The following RGS6 variants were observed in gnomAD, a reference collection of about 807,000 sequenced individuals.
The protein encoded by RGS6 is regulator of G protein signaling 6, also known as regulator of G-protein signaling 6.
A neutral mutation model predicts 78.5 loss-of-function variants in RGS6; 30 were observed. The ratio of observed to expected loss-of-function variants is 0.38; its 90% CI spans 0.29 to 0.52. The LOEUF is 0.52. Among genes scored for constraint, RGS6 ranks in the 20% least tolerant of loss-of-function variants. The pLI is 0.85. For missense variants in RGS6, 495 were observed against 609.7 expected (o/e 0.81, Z 1.98); for synonymous variants, 206 against 206.0 (o/e 1.00, Z 0.00).
chr14:72,284,365 C>CCT (rs1264101607), intron 2 of RGS6, among the ~76,000 whole-genome samples: 1 of 152,072 alleles, frequency 6.6e-6, no homozygotes, highest in East Asian at 1.9e-4. Flanking sequence ...AATGGCCCCC[C>CCT]CACCTGCTAT....
At chr14:71,934,552 T>A (rs1487628151) in intron 1 of RGS6, among the ~76,000 whole-genome samples, 1 of 152,230 alleles carries the variant, frequency 6.6e-6, no homozygotes, top group African/African-American at 2.4e-5. Context: ...AATAAATTCA[T>A]CTTATCAAGT....
At chr14:72,469,460 G>A (rs187813959) in intron 7 of RGS6, 1 of 152,502 alleles carries the variant, frequency 6.6e-6, no homozygotes, top group East Asian at 1.9e-4. Context: ...ACCTGCCTTG[G>A]CCTTCCAAAA....
Position 72,523,573 on chromosome 14 carries a change from G to A in RGS6, c.1278+5036G>A, listed in dbSNP as rs558567611. On this transcript the variant is annotated intron_variant, in intron 15 of 17. Coordinates refer to ENST00000553525, the MANE Select transcript of RGS6 (RefSeq NM_001204424.2). ...CTCCAATGGGTTTTGTTTCTTATTT[G>A]ACCACACGCATTGTTAGAGCCAAGT... is the stretch of plus-strand genomic sequence containing the variant. Among the ~76,000 whole-genome samples the A allele has an allele frequency of 9.2e-5, 14 of 152,240 alleles. No homozygotes were observed. The South Asian group carries it at 2.9e-3, about 32-fold the overall frequency.
intron 2 of RGS6, among the ~76,000 whole-genome samples, chr14:72,315,567 G>A (rs2069910478): frequency 6.6e-6 from 1 of 152,156 alleles, no homozygotes; most frequent in Non-Finnish European, 1.5e-5. Context: ...TTTATTTTTA[G>A]CAAGAGTGTT....
chr14:72,118,173 C>A (rs529868940), intron 2 of RGS6, among the ~76,000 whole-genome samples: 11 of 151,338 alleles, frequency 7.3e-5, no homozygotes, highest in Middle Eastern at 3.4e-3. Context: ...AAAAAAACAA[C>A]AAAAAACAGG....
intron 1 of RGS6, among the ~76,000 whole-genome samples, chr14:71,952,753 T>A (rs970182831): frequency 1.3e-5 from 2 of 152,202 alleles, no homozygotes; most frequent in African/African-American, 4.8e-5. Flanking sequence ...ATTGAAAGGG[T>A]GCACCTTATA....
At chr14:72,607,684 G>T in the RGS6 span, among the ~76,000 whole-genome samples, 1 of 152,198 alleles carries the variant, frequency 6.6e-6, no homozygotes, top group Non-Finnish European at 1.5e-5. Context: ...CCTGGATTTT[G>T]TTATATGAGC....
the RGS6 span, among the ~76,000 whole-genome samples, chr14:71,913,750 G>A: frequency 6.6e-6 from 1 of 152,222 alleles, no homozygotes; most frequent in Non-Finnish European, 1.5e-5. Flanking sequence ...GTCATCTGAG[G>A]ATCACAGATT....
chr14:72,613,882 G>T, the RGS6 span, among the ~76,000 whole-genome samples: 2 of 152,172 alleles, frequency 1.3e-5, no homozygotes, highest in Non-Finnish European at 2.9e-5. Flanking sequence ...AGGCTCTAAG[G>T]CAGTTCCCAC....
At chr14:72,331,895 A>G (rs1221911160) in intron 2 of RGS6, among the ~76,000 whole-genome samples, 1 of 152,226 alleles carries the variant, frequency 6.6e-6, no homozygotes, top group Non-Finnish European at 1.5e-5. Context: ...CTTAGAGAAA[A>G]AAGCTGTATA....
intron 2 of RGS6, among the ~76,000 whole-genome samples, chr14:72,062,515 T>C (rs2093943440): frequency 6.6e-6 from 1 of 152,174 alleles, no homozygotes; most frequent in South Asian, 2.1e-4. Flanking sequence ...AAATTGGAGA[T>C]GATGGAGTTT....
At chr14:71,951,938 A>G (rs1176338211) in intron 1 of RGS6, among the ~76,000 whole-genome samples, 1 of 152,182 alleles carries the variant, frequency 6.6e-6, no homozygotes, top group Non-Finnish European at 1.5e-5. Flanking sequence ...AGTTTTATAT[A>G]TTGACCTTGT....
At chr14:72,560,536 G>T (rs1384983887) in intron 17 of RGS6, among the ~76,000 whole-genome samples, 1 of 152,122 alleles carries the variant, frequency 6.6e-6, no homozygotes, top group African/African-American at 2.4e-5. Flanking sequence ...TCACCGCTGG[G>T]TGTGTGCCAC....
chr14:71,933,359 G>A (rs931385180), intron 1 of RGS6: 1 of 149,306 alleles, frequency 6.7e-6, no homozygotes, highest in Non-Finnish European at 1.5e-5. Flanking sequence ...GAACAAGCTC[G>A]CCCATTTGTG....
intron 2 of RGS6, among the ~76,000 whole-genome samples, chr14:72,169,250 G>T (rs2096974692): frequency 6.6e-6 from 1 of 152,148 alleles, no homozygotes; most frequent in African/African-American, 2.4e-5. Flanking sequence ...GTAGGCTCAG[G>T]AATACGTTTT....
chr14:72,309,324 G>GA (rs1214000465), intron 2 of RGS6, among the ~76,000 whole-genome samples: 1 of 152,196 alleles, frequency 6.6e-6, no homozygotes, highest in Non-Finnish European at 1.5e-5. Context: ...TCCAGACCAG[G>GA]AAACATGATT....
chr14:72,187,734 C>A (rs1204623982), intron 2 of RGS6, among the ~76,000 whole-genome samples: 1 of 152,172 alleles, frequency 6.6e-6, no homozygotes, highest in East Asian at 1.9e-4. Context: ...TTCCTGTCTT[C>A]AGAATATGTG....
chr14:72,629,585 G>C, the RGS6 span: 1 of 1,510,996 alleles, frequency 6.6e-7, no homozygotes, highest in African/African-American at 1.4e-5. Flanking sequence ...CCCCAGCTCT[G>C]TGGATTTCTC....
the RGS6 span, among the ~76,000 whole-genome samples, chr14:72,587,859 A>T: frequency 1.3e-5 from 2 of 152,196 alleles, no homozygotes; most frequent in African/African-American, 4.8e-5. Context: ...ACAGAGAAAG[A>T]TGGATTCTAC....
Sources: gnomAD v4.1 joint callset for allele counts (sites outside exome capture counted in the v4.1 genomes callset) on GRCh38, gnomAD v4.1.1 for gene constraint, MANE v1.5 for transcripts, NCBI Gene and HGNC (gene_info 2026-07-23, HGNC 2026-07-21) for gene names.